Variants in LAMTOR1 observed in about 807,000 individuals in gnomAD.
LAMTOR1 encodes ragulator complex protein LAMTOR1.
In LAMTOR1, 8 loss-of-function variants were observed where a neutral mutation model predicts 20.5. That is an observed-to-expected ratio of 0.39 (90% CI 0.23 to 0.70). The LOEUF (loss-of-function observed/expected upper bound fraction) is 0.70, where lower values mean the gene tolerates loss of function less well. Ranked by LOEUF, LAMTOR1 falls within the 30% of genes least tolerant of loss-of-function variation. LAMTOR1 has a pLI of 0.43. For missense variants in LAMTOR1, 135 were observed against 206.2 expected, an observed-to-expected ratio of 0.65 and a Z score of 2.11; for synonymous variants, 77 against 80.9, an observed-to-expected ratio of 0.95 and a Z score of 0.26.
At chr11:72,099,880 G>A (rs1040448059) in intron 1 of LAMTOR1, among the ~76,000 whole-genome samples, 5 of 152,178 alleles carry the variant, frequency 3.3e-5, no homozygotes, top group South Asian at 2.1e-4. Flanking sequence ...AGGTCCCTTC[G>A]AAGGTGTTCA....
Position 72,098,397 on chromosome 11 carries a change from C to T in LAMTOR1, c.285G>A (p.Leu95=). 1.2e-6 allele frequency: 2 copies of T among 1,612,012 alleles called. No homozygotes were observed. The highest frequency in any genetic ancestry group is 1.1e-5 in the South Asian group (1 of 90,606). The change falls in exon 4 of 5, where the codon CTG becomes CTA. Residue 95 remains leucine, a synonymous_variant. Transcript: ENST00000278671. ...ARQYSTRLAV[L]SSSLTHWKKL... ...TCTTCCAATGGGTCAGGCTGCTGCT[C>T]AGCACAGCCAAGCGGGTGCTGACCA... is the stretch of plus-strand genomic sequence containing the variant.
chr11:72,098,448 T>G (rs1226042055), intron 3 of LAMTOR1, 33 bp from the exon 4 acceptor site: 1 of 1,596,784 alleles, frequency 6.3e-7, no homozygotes, highest in Non-Finnish European at 8.5e-7. Flanking sequence ...GGGTAGGCAG[T>G]TAAGCCACAG....
chr11:72,101,708 G>A (rs1945446486), intron 1 of LAMTOR1, among the ~76,000 whole-genome samples: 1 of 152,118 alleles, frequency 6.6e-6, no homozygotes, highest in Non-Finnish European at 1.5e-5. Context: ...CTTGCTACAT[G>A]AGGCCTCAAA....
At chr11:72,098,460 C>T in intron 3 of LAMTOR1, 45 bp from the exon 4 acceptor site, 3 of 1,585,118 alleles carry the variant, frequency 1.9e-6, no homozygotes, top group Non-Finnish European at 2.6e-6. Flanking sequence ...AAGCCACAGT[C>T]TGCCCTGCCC....
chr11:72,097,936 G>C lies in LAMTOR1; in HGVS notation c.394-22C>G, dbSNP rs529824852. On this transcript the variant is annotated intron_variant, in intron 4 of 4. Transcript: ENST00000278671. ...AGACCTGAGACAGAGAGGGGCCGGG[G>C]AGGAGAGGAACAGAGACAGGTGAGG... 2.5e-6 allele frequency: 4 copies of C among 1,572,236 alleles called. No homozygotes were observed. The African/African-American group carries it at 5.4e-5, about 21-fold the overall frequency.
At chr11:72,102,137 A>C (rs1945465294) in intron 1 of LAMTOR1, among the ~76,000 whole-genome samples, 2 of 152,364 alleles carry the variant, frequency 1.3e-5, no homozygotes, top group Admixed American at 1.3e-4. Context: ...AAATACGTTC[A>C]CTGAAGAACG....
chr11:72,097,539 C>G lies in LAMTOR1; in HGVS notation c.*283G>C. On this transcript the variant is annotated 3_prime_UTR_variant, in exon 5 of 5. Coordinates refer to ENST00000278671, the MANE Select transcript of LAMTOR1 (RefSeq NM_017907.3). ...AGGTCCCCTGGTGATCACCCCCCACCCAAACTGGTATCTCCACATTCTCAA... is the reference window on the plus strand; with the variant it reads ...AGGTCCCCTGGTGATCACCCCCCACGCAAACTGGTATCTCCACATTCTCAA... 8.3e-7 allele frequency: 1 copy of G among 1,203,614 alleles called. No homozygotes were observed. The highest frequency in any genetic ancestry group is 1.0e-6 in the Non-Finnish European group (1 of 959,626). 74.6% of individuals were successfully genotyped at this position (1,203,614 alleles called of 1,614,324 possible). A position where few individuals can be genotyped will look rare whatever the true frequency, so the allele number is the denominator to read the frequency against.
At position 72,103,194 on chromosome 11, in the gene LAMTOR1, C is replaced by A; in HGVS notation, c.31G>T (p.Asp11Tyr). MGCCYSSENEDSDQDREERKL... is the reference protein window; with the variant it reads MGCCYSSENEYSDQDREERKL... Reference sequence around the variant, plus strand: ...TGCCGCGGCCGCACCTGGTCCGAGTCCTCGTTCTCGCTGCTGTAGCAGCAC... The same window carrying A: ...TGCCGCGGCCGCACCTGGTCCGAGTACTCGTTCTCGCTGCTGTAGCAGCAC... Residue 11 changes from aspartate to tyrosine, a missense_variant, in exon 1 of 5, where the codon GAC becomes TAC. Transcript: ENST00000278671. 1 of 1,585,302 alleles carries A rather than the reference C, an allele frequency of 6.3e-7. No homozygotes were observed. Among genetic ancestry groups the A allele is most frequent in the Non-Finnish European group, 8.6e-7 (1 of 1,165,550 alleles).
intron 1 of LAMTOR1, among the ~76,000 whole-genome samples, chr11:72,099,990 T>C (rs897126065): frequency 8.5e-5 from 13 of 152,122 alleles, no homozygotes; most frequent in African/African-American, 2.9e-4. Context: ...TAGCCATGTA[T>C]GGTGATTCAC....
At chr11:72,102,316 C>T (rs1446621705) in intron 1 of LAMTOR1, among the ~76,000 whole-genome samples, 3 of 152,212 alleles carry the variant, frequency 2.0e-5, no homozygotes, top group Admixed American at 6.5e-5. Context: ...CTTGAGACTT[C>T]ATCCTTGAAT....
chr11:72,098,489 C>A, intron 3 of LAMTOR1, 74 bp from the exon 4 acceptor site: 1 of 1,517,370 alleles, frequency 6.6e-7, no homozygotes, highest in Non-Finnish European at 8.9e-7. Flanking sequence ...TAAGCCTCAT[C>A]CCCTCAGGCC....
chr11:72,099,063 A>G, intron 2 of LAMTOR1, 48 bp downstream of exon 2: 1 of 1,605,422 alleles, frequency 6.2e-7, no homozygotes. Context: ...CCTAGCCTTT[A>G]ATATGGATAG....
chr11:72,097,411 C>G lies in LAMTOR1; in HGVS notation c.*411G>C, dbSNP rs1230754733. The G allele has an allele frequency of 9.9e-7, 1 of 1,008,782 alleles. No individual in the cohort carries two copies. The highest frequency in any genetic ancestry group is 1.0e-4 in the East Asian group (1 of 9,842). 62.5% of individuals were successfully genotyped at this position (1,008,782 alleles called of 1,614,324 possible). A position where few individuals can be genotyped will look rare whatever the true frequency, so the allele number is the denominator to read the frequency against. ...TCATTCAAATTCAAGCTCATCCAGA[C>G]CCTGGTCACAAACCCTAGTGAGGTG... On this transcript the variant is annotated 3_prime_UTR_variant, in exon 5 of 5. Transcript: ENST00000278671.
chr11:72,100,254 C>G (rs141800228), intron 1 of LAMTOR1, among the ~76,000 whole-genome samples: 39 of 152,242 alleles, frequency 2.6e-4, no homozygotes, highest in Non-Finnish European at 4.3e-4. Context: ...GAGCAAGACC[C>G]CATCTCAAAA....
intron 1 of LAMTOR1, among the ~76,000 whole-genome samples, chr11:72,102,926 T>C (rs1280110806): frequency 6.6e-6 from 1 of 152,176 alleles, no homozygotes; most frequent in East Asian, 1.9e-4. Flanking sequence ...GTTTTGAAGG[T>C]AGGAGCAAAC....
chr11:72,098,084 G>T, intron 4 of LAMTOR1, 170 bp from the exon 5 acceptor site: 1 of 1,017,270 alleles, frequency 9.8e-7, no homozygotes, highest in Non-Finnish European at 1.4e-6. Flanking sequence ...GAACAAAGGG[G>T]AGTGAAACAA....
chr11:72,103,095 G>T (rs1031086691), intron 1 of LAMTOR1, 88 bp downstream of exon 1: 6 of 1,495,510 alleles, frequency 4.0e-6, no homozygotes, highest in Non-Finnish European at 5.5e-6. Context: ...CCTGCAGTCC[G>T]GCTGCCCGTC....
At chr11:72,102,403 CTG>C (rs1367295771) in intron 1 of LAMTOR1, among the ~76,000 whole-genome samples, 1 of 152,198 alleles carries the variant, frequency 6.6e-6, no homozygotes, top group Non-Finnish European at 1.5e-5. Flanking sequence ...GAATTTAAAA[CTG>C]TACAGGTCTC....
intron 1 of LAMTOR1, among the ~76,000 whole-genome samples, chr11:72,102,853 A>T (rs1425777822): frequency 6.6e-6 from 1 of 152,256 alleles, no homozygotes; most frequent in African/African-American, 2.4e-5. Context: ...CACAGAAGAC[A>T]CAGGAAGCTG....
Sources: gnomAD v4.1 joint callset for allele counts (sites outside exome capture counted in the v4.1 genomes callset) on GRCh38, gnomAD v4.1.1 for gene constraint, MANE v1.5 for transcripts, NCBI Gene and HGNC (gene_info 2026-07-23, HGNC 2026-07-21) for gene names.